The following POLM variants were observed in gnomAD, a reference collection of about 807,000 sequenced individuals.
POLM encodes DNA polymerase mu.
In POLM, 52 loss-of-function variants were observed where a neutral mutation model predicts 56.7. The ratio of observed to expected loss-of-function variants is 0.92; its 90% CI spans 0.73 to 1.15. The LOEUF (loss-of-function observed/expected upper bound fraction) is 1.15. Ranked by LOEUF, POLM falls within the 50% of genes most tolerant of loss-of-function variation. The pLI is 0.00. For missense variants in POLM, 660 were observed against 663.6 expected (o/e 0.99, Z 0.06); for synonymous variants, 273 against 274.3 (o/e 1.00, Z 0.05).
At position 44,074,428 on chromosome 7, in the gene POLM, G is replaced by T; in HGVS notation, c.938C>A (p.Ala313Asp). ...GAAGCCGCCGGTCAGCGTGACGGTG[G>T]CCCCAGGCAGGGCCTGCCCCACAGC... ...EEAVGQALPG[A>D]TVTLTGGFRR... Residue 313 changes from alanine (A) to aspartate (D), a missense_variant, in exon 7 of 11, where the codon GCC (alanine) becomes GAC (aspartate). Transcript: ENST00000242248. 6.4e-7 allele frequency: 1 copy of T among 1,564,082 alleles called. No homozygotes were observed.
chr7:44,073,028 G>A lies in POLM; in HGVS notation c.*263C>T, dbSNP rs939974372. 8.5e-6 allele frequency: 11 copies of A among 1,292,138 alleles called. No homozygotes were observed. In the Admixed American group the frequency reaches 8.7e-5, roughly 10 times the overall value. 80.0% of individuals were successfully genotyped at this position (1,292,138 alleles called of 1,614,324 possible). ...CTCACATCCCATCCAGGGCAGGAAC[G>A]TGAGCCATGGGGAGGCTAAGAGCAG... On this transcript the variant is annotated 3_prime_UTR_variant, in exon 11 of 11. Transcript: ENST00000242248.
chr7:44,080,951 G>A, intron 1 of POLM, 35 bp from the exon 2 acceptor site: 8 of 1,525,014 alleles, frequency 5.2e-6, no homozygotes, highest in Non-Finnish European at 7.1e-6. Context: ...GGAGGAGGGT[G>A]AGGCCCAGAG....
Position 44,079,732 on chromosome 7 carries a change from C to A in POLM, c.481G>T (p.Glu161Ter). ...AAGCCTGCTGCCTCGGCCAGTATCT[C>A]CAGAGCCTCCTGCAGGGAGGGGCCC... ...HHNTGLSEAL[E>*]ILAEAAGFEG... is the part of the protein sequence containing the mutation. The change falls in exon 4 of 11, where the codon GAG becomes TAG. Residue 161 changes from glutamate to a stop codon, truncating the protein, a stop_gained. Coordinates refer to ENST00000242248, the MANE Select transcript of POLM (RefSeq NM_013284.4). LOFTEE classifies it high-confidence loss of function. 1 of 1,609,464 alleles carries A rather than the reference C, an allele frequency of 6.2e-7. No homozygotes were observed. Among genetic ancestry groups the A allele is most frequent in the Non-Finnish European group, 8.5e-7 (1 of 1,177,310 alleles).
rs776383842 is a variant in POLM, at chr7:44,074,240, G to T, written c.969-7C>A. 4 of 1,566,320 alleles carry T rather than the reference G, an allele frequency of 2.6e-6. No homozygotes were observed. The highest frequency in any genetic ancestry group is 2.7e-5 in the African/African-American group (2 of 74,142). On this transcript the variant is annotated splice_polypyrimidine_tract_variant and splice_region_variant and intron_variant, in intron 7 of 10. Coordinates refer to ENST00000242248, the MANE Select transcript of POLM (RefSeq NM_013284.4). ...ATGGCCCTGCAACTTCCCCCTGAGG[G>T]CGTCAGTCTGACTCTGACTCAGGGA...
chr7:44,074,008 G>A lies in POLM; in HGVS notation c.1089C>T (p.His363=), dbSNP rs1268552848. The stretch of plus-strand genomic sequence containing the variant: ...ACTCACAGCAGCTGTGCTGGTGCTG[G>A]TGGTACAGGATGAGGCCCTGTGGGG... ...RLQDQGLILY[H]QHQHSCCESP... The change falls in exon 9 of 11, where the codon CAC becomes CAT. Residue 363 remains histidine, a synonymous_variant. Coordinates refer to ENST00000242248, the MANE Select transcript of POLM (RefSeq NM_013284.4). 6.2e-7 allele frequency: 1 copy of A among 1,613,920 alleles called. No individual in the cohort carries two copies. Among genetic ancestry groups the A allele is most frequent in the Non-Finnish European group, 8.5e-7 (1 of 1,180,054 alleles).
intron 1 of POLM, among the ~76,000 whole-genome samples, chr7:44,081,355 G>A (rs2096199331): frequency 1.3e-5 from 2 of 152,222 alleles, no homozygotes; most frequent in Admixed American, 1.3e-4. Context: ...GTAAAGCAGA[G>A]ATAACATATC....
At chr7:44,080,619 C>A in intron 2 of POLM, 114 bp downstream of exon 2, 2 of 1,159,260 alleles carry the variant, frequency 1.7e-6, no homozygotes, top group Non-Finnish European at 1.3e-6. Context: ...CTTCACTGCC[C>A]ACCTCCTCTG....
intron 6 of POLM, chr7:44,076,218 G>A: frequency 2.9e-6 from 1 of 349,426 alleles, no homozygotes; most frequent in Non-Finnish European, 5.4e-6. Flanking sequence ...GCACCACACT[G>A]GGCAGTGTGC....
chr7:44,082,259 G>A lies in POLM; in HGVS notation c.180C>T (p.Asp60=). 2 of 1,492,532 alleles carry A rather than the reference G, an allele frequency of 1.3e-6. No individual in the cohort carries two copies. The highest frequency in any genetic ancestry group is 1.8e-6 in the Non-Finnish European group (2 of 1,129,206). The allele number at this position is 1,492,532 out of a possible 1,614,324, so 92.5% of individuals were successfully genotyped here. ...LARSKGFRVL[D]ACSSEATHVV... is the part of the protein sequence containing the mutation. ...GCCGCGCCGCCCCGCACCTGCAGGC[G>A]TCAAGGACGCGGAAGCCTTTGGAGC... The change falls in exon 1 of 11, where the codon GAC becomes GAT. Residue 60 remains aspartate (D), a synonymous_variant. Transcript: ENST00000242248.
rs3218663 is a variant in POLM, at chr7:44,074,544, C to T, written c.836-14G>A. On this transcript the variant is annotated splice_polypyrimidine_tract_variant and intron_variant, in intron 6 of 10. Transcript: ENST00000242248. ...GGTGCTGGAGCCCTGGGGGCAACAC[C>T]GGCCCTCCTGACTCACCCAGCCTGC... 7,013 of 1,542,000 alleles carry T rather than the reference C, an allele frequency of 4.5e-3. 50 individuals are homozygous for T. The highest frequency in any genetic ancestry group is 4.3e-3 in the Non-Finnish European group (4,861 of 1,140,946).
intron 1 of POLM, 124 bp from the exon 2 acceptor site, chr7:44,081,040 C>T (rs1418979178): frequency 7.8e-6 from 6 of 765,518 alleles, no homozygotes; most frequent in East Asian, 5.7e-5. Context: ...GCAAACGTCA[C>T]CTCCTCCAGA....
chr7:44,074,954 G>A (rs1027848079), intron 6 of POLM, among the ~76,000 whole-genome samples: 1 of 152,198 alleles, frequency 6.6e-6, no homozygotes, highest in Non-Finnish European at 1.5e-5. Context: ...ACCAAGAGGT[G>A]GTAAAAGGAT....
chr7:44,073,039 G>GT lies in POLM; in HGVS notation c.*251_*252insA. 1 of 1,352,732 alleles carries GT rather than the reference G, an allele frequency of 7.4e-7. No individual in the cohort carries two copies. The highest frequency in any genetic ancestry group is 9.7e-7 in the Non-Finnish European group (1 of 1,027,150). The allele number at this position is 1,352,732 out of a possible 1,614,324, so 83.8% of individuals were successfully genotyped here. Reference sequence around the variant, plus strand: ...TCCAGGGCAGGAACGTGAGCCATGGGGAGGCTAAGAGCAGACCCAGGGTCA... The same window carrying GT: ...TCCAGGGCAGGAACGTGAGCCATGGGTGAGGCTAAGAGCAGACCCAGGGTCA... On this transcript the variant is annotated 3_prime_UTR_variant, in exon 11 of 11. Transcript: ENST00000242248.
Position 44,079,791 on chromosome 7 carries a change from C to T in POLM, c.472-50G>A, listed in dbSNP as rs3218654. 1,162 of 1,610,098 alleles carry T rather than the reference C, an allele frequency of 7.2e-4. 10 individuals carry two copies. The African/African-American group carries it at 0.014, about 19-fold the overall frequency. ...GGGCAGGGTGGGCAGCTCCAATCCC[C>T]CACCTACCACCCATCTGTACCCTTG... On this transcript the variant is annotated intron_variant, in intron 3 of 10. Coordinates refer to ENST00000242248, the MANE Select transcript of POLM (RefSeq NM_013284.4).
At chr7:44,074,933 C>T (rs1246009817) in intron 6 of POLM, among the ~76,000 whole-genome samples, 1 of 152,196 alleles carries the variant, frequency 6.6e-6, no homozygotes, top group Non-Finnish European at 1.5e-5. Flanking sequence ...TTTCCTTATG[C>T]ATAAAGTGGG....
intron 7 of POLM, 44 bp from the exon 8 acceptor site, chr7:44,074,277 C>G: frequency 6.5e-7 from 1 of 1,544,352 alleles, no homozygotes; most frequent in Non-Finnish European, 8.8e-7. Flanking sequence ...ACGGCCTGCT[C>G]ACTCCAGCCC....
intron 1 of POLM, 131 bp downstream of exon 1, chr7:44,082,120 A>C (rs2058836204): frequency 5.2e-6 from 4 of 767,670 alleles, no homozygotes. Context: ...CGCCCTAATT[A>C]ATAGCACCCT....
In POLM at chr7:44,074,424, G is replaced by C; in HGVS notation, c.942C>G (p.Thr314=). ...TGCGGAAGCCGCCGGTCAGCGTGAC[G>C]GTGGCCCCAGGCAGGGCCTGCCCCA... ...EAVGQALPGA[T]VTLTGGFRRG... The change falls in exon 7 of 11, where the codon ACC becomes ACG. Residue 314 remains threonine (T), a synonymous_variant. Coordinates refer to ENST00000242248, the MANE Select transcript of POLM (RefSeq NM_013284.4). 1 of 1,562,420 alleles carries C rather than the reference G, an allele frequency of 6.4e-7. No individual in the cohort carries two copies. The highest frequency in any genetic ancestry group is 1.2e-5 in the South Asian group (1 of 84,860).
In POLM at chr7:44,073,299, T is replaced by C; in HGVS notation, c.1477A>G (p.Asn493Asp). 5.0e-6 allele frequency: 8 copies of C among 1,614,228 alleles called. No homozygotes were observed. Among genetic ancestry groups the C allele is most frequent in the Non-Finnish European group, 5.9e-6 (7 of 1,180,030 alleles). Residue 493 changes from asparagine to aspartate, a missense_variant, in exon 11 of 11, where the codon AAC becomes GAC. Physicochemically the swap from Asn to Asp is conservative, Grantham distance 23 (BLOSUM62 1). Transcript: ENST00000242248. ...GGGGGACACAGGCAGGCTCAGGCGT[T>C]TCTCTGCTCTGGAGGAAGGTACTCA... Reference protein sequence around the residue: ...GLEYLPPEQRNA With the variant: ...GLEYLPPEQRDA
Sources: allele counts gnomAD v4.1 joint callset (sites outside exome capture counted in the v4.1 genomes callset), GRCh38; gene constraint gnomAD v4.1.1; transcripts MANE v1.5; gene names NCBI Gene and HGNC (gene_info 2026-07-23, HGNC 2026-07-21).